TAMM41: variants seen among roughly 807,000 people sequenced by gnomAD.
TAMM41 encodes the protein phosphatidate cytidylyltransferase, mitochondrial.
Under a neutral mutation model 44.1 loss-of-function variants are expected in TAMM41, and 36 were observed. The ratio of observed to expected loss-of-function variants is 0.82; its 90% CI spans 0.63 to 1.08. The LOEUF is 1.08. Ranked by LOEUF, TAMM41 falls within the 50% of genes least tolerant of loss-of-function variation. TAMM41 has a pLI of 0.00. For missense variants in TAMM41, 417 were observed against 404.3 expected, an observed-to-expected ratio of 1.03 and a Z score of -0.27; for synonymous variants, 164 against 153.1, an observed-to-expected ratio of 1.07 and a Z score of -0.53.
chr3:11,782,587 C>T, the TAMM41 span, among the ~76,000 whole-genome samples: 1 of 151,640 alleles, frequency 6.6e-6, no homozygotes, highest in Non-Finnish European at 1.5e-5. Flanking sequence ...ATCGTATCTA[C>T]GTTGTAGGAG....
intron 3 of TAMM41, among the ~76,000 whole-genome samples, chr3:11,838,695 G>A (rs1036964537): frequency 2.7e-5 from 4 of 146,706 alleles, no homozygotes; most frequent in African/African-American, 1.1e-4. Flanking sequence ...GAAGTTCTCA[G>A]AACCCCCTTT....
the TAMM41 span, among the ~76,000 whole-genome samples, chr3:11,749,097 G>A: frequency 6.6e-6 from 1 of 151,758 alleles, no homozygotes. Context: ...ATTTTTAGTA[G>A]AGATGGGGTT....
chr3:11,750,185 T>C, the TAMM41 span, among the ~76,000 whole-genome samples: 5 of 152,120 alleles, frequency 3.3e-5, no homozygotes, highest in Admixed American at 1.3e-4. Flanking sequence ...CGTGAGCCAC[T>C]GTGCCCAGTC....
chr3:11,798,056 A>C (rs1350694872), intron 7 of TAMM41, among the ~76,000 whole-genome samples: 2 of 152,198 alleles, frequency 1.3e-5, no homozygotes, highest in African/African-American at 2.4e-5. Flanking sequence ...GCAGGGGTGT[A>C]AATTAGTTCA....
the TAMM41 span, among the ~76,000 whole-genome samples, chr3:11,743,194 T>C: frequency 9.2e-5 from 14 of 152,196 alleles, no homozygotes; most frequent in East Asian, 1.5e-3. Flanking sequence ...CCAGTGAGCT[T>C]CGGGGTCTAT....
the TAMM41 span, among the ~76,000 whole-genome samples, chr3:11,742,587 T>A: frequency 6.7e-6 from 1 of 148,844 alleles, no homozygotes; most frequent in Admixed American, 6.6e-5. Context: ...GCCCATCGCT[T>A]GCTTTTTTTT....
chr3:11,786,838 C>T (rs992288442), downstream of TAMM41, among the ~76,000 whole-genome samples: 1 of 152,120 alleles, frequency 6.6e-6, no homozygotes, highest in African/African-American at 2.4e-5. Context: ...AAGCGATTTT[C>T]CCACCTCAGC....
At chr3:11,791,310 CT>C (rs2077472717) in intron 7 of TAMM41, among the ~76,000 whole-genome samples, 1 of 152,158 alleles carries the variant, frequency 6.6e-6, no homozygotes, top group Non-Finnish European at 1.5e-5. Context: ...AGCTGGCCCC[CT>C]AGCACCCCCA....
the TAMM41 span, among the ~76,000 whole-genome samples, chr3:11,778,565 G>A: frequency 5.3e-5 from 8 of 152,196 alleles, no homozygotes; most frequent in African/African-American, 1.9e-4. Context: ...CAGCCCATGA[G>A]GGCTCCACTG....
chr3:11,813,963 TATACACAC>T (rs1207835134), intron 5 of TAMM41, among the ~76,000 whole-genome samples: 2 of 144,874 alleles, frequency 1.4e-5, no homozygotes, highest in Admixed American at 1.4e-4. Context: ...TATATATACA[TATACACAC>T]ATACACACAC....
chr3:11,791,622 G>GT (rs2077479306), intron 7 of TAMM41, among the ~76,000 whole-genome samples: 1 of 152,116 alleles, frequency 6.6e-6, no homozygotes, highest in African/African-American at 2.4e-5. Flanking sequence ...TGCCGACAAG[G>GT]TAACAGGTTT....
At chr3:11,809,420 G>A (rs1037293947) in intron 6 of TAMM41, 97 bp downstream of exon 6, 35 of 1,440,200 alleles carry the variant, frequency 2.4e-5, no homozygotes, top group Non-Finnish European at 2.9e-5. Context: ...TCTCTATCTC[G>A]CTAAACAAAA....
At chr3:11,772,099 C>T in the TAMM41 span, among the ~76,000 whole-genome samples, 2 of 150,414 alleles carry the variant, frequency 1.3e-5, no homozygotes, top group South Asian at 2.1e-4. Context: ...GAGACAGAAT[C>T]GCTCTCTGTT....
intron 6 of TAMM41, chr3:11,809,290 T>G: frequency 1.8e-6 from 1 of 544,644 alleles, no homozygotes; most frequent in South Asian, 2.4e-5. Flanking sequence ...CCTTTGACAG[T>G]GATTTAGGAT....
At chr3:11,829,365 A>C (rs535032446) in intron 4 of TAMM41, among the ~76,000 whole-genome samples, 1 of 152,346 alleles carries the variant, frequency 6.6e-6, no homozygotes, top group South Asian at 2.1e-4. Flanking sequence ...ACTGATACAG[A>C]AACAATGAGA....
chr3:11,746,788 C>T, the TAMM41 span, among the ~76,000 whole-genome samples: 1 of 147,722 alleles, frequency 6.8e-6, no homozygotes, highest in East Asian at 1.9e-4. Context: ...GTGCACATCA[C>T]CATGCCCAGC....
chr3:11,844,922 C>G (rs1387799958), intron 1 of TAMM41: 2 of 456,558 alleles, frequency 4.4e-6, no homozygotes, highest in East Asian at 6.9e-5. Flanking sequence ...ATCAGGGGCA[C>G]AGGAGGGAGA....
chr3:11,778,225 GT>G, the TAMM41 span, among the ~76,000 whole-genome samples: 4 of 151,014 alleles, frequency 2.6e-5, no homozygotes, highest in Non-Finnish European at 4.4e-5. Flanking sequence ...AGAACTCTAT[GT>G]TTTTTTTTCC....
chr3:11,822,276 T>C (rs2078555612), intron 4 of TAMM41, among the ~76,000 whole-genome samples: 1 of 152,204 alleles, frequency 6.6e-6, no homozygotes, highest in South Asian at 2.1e-4. Flanking sequence ...TATGGCAAAA[T>C]AATATTCATT....
Sources: allele counts gnomAD v4.1 joint callset (sites outside exome capture counted in the v4.1 genomes callset), GRCh38; gene constraint gnomAD v4.1.1; transcripts MANE v1.5; gene names NCBI Gene and HGNC (gene_info 2026-07-23, HGNC 2026-07-21).